SRGAP3: variants seen among roughly 807,000 people sequenced by gnomAD.
SRGAP3 encodes the protein SLIT-ROBO Rho GTPase-activating protein 3.
A neutral mutation model predicts 121.1 loss-of-function variants in SRGAP3; 39 were observed. The ratio of observed to expected loss-of-function variants is 0.32; its 90% CI spans 0.25 to 0.42. The LOEUF is 0.42. Among genes scored for constraint, SRGAP3 ranks in the 10% least tolerant of loss-of-function variants. The pLI is 1.00. For missense variants in SRGAP3, 1,213 were observed against 1,470.6 expected (o/e 0.82, Z 2.86); for synonymous variants, 601 against 570.0 (o/e 1.05, Z -0.77).
rs533058610 is a variant in SRGAP3, at chr3:9,005,217, C to T, written c.2227+5091G>A. ...TCATCAGAGAAATTCAAATCCAAAC[C>T]TCAATAAGATGCAACTTCACATCCA... On this transcript the variant is annotated intron_variant, in intron 18 of 21. Coordinates refer to ENST00000383836, the MANE Select transcript of SRGAP3 (RefSeq NM_014850.4). 2.6e-5 allele frequency among the ~76,000 whole-genome samples: 4 copies of T among 152,250 alleles called. No individual in the cohort carries two copies. The South Asian group carries it at 6.2e-4, about 24-fold the overall frequency.
At chr3:9,313,110 C>T (rs971980993) in intron 3 of SRGAP3, among the ~76,000 whole-genome samples, 3 of 152,214 alleles carry the variant, frequency 2.0e-5, no homozygotes, top group Non-Finnish European at 4.4e-5. Context: ...TTCCCAGCCA[C>T]ACTCCTCTCC....
intron 3 of SRGAP3, among the ~76,000 whole-genome samples, chr3:9,265,271 C>G (rs1954333960): frequency 6.6e-6 from 1 of 152,180 alleles, no homozygotes; most frequent in Admixed American, 6.5e-5. Flanking sequence ...CATAAAAACT[C>G]TACAAGAAAA....
At chr3:9,078,387 C>T (rs1947072388) in intron 4 of SRGAP3, among the ~76,000 whole-genome samples, 1 of 152,266 alleles carries the variant, frequency 6.6e-6, no homozygotes, top group South Asian at 2.1e-4. Flanking sequence ...TCTAGCCAAA[C>T]TCGCTGCAGA....
At chr3:9,085,655 C>G (rs1057503964) in intron 3 of SRGAP3, among the ~76,000 whole-genome samples, 2 of 152,156 alleles carry the variant, frequency 1.3e-5, no homozygotes, top group Non-Finnish European at 2.9e-5. Context: ...AAATCATGTC[C>G]TTTACAGATA....
chr3:9,179,567 G>A (rs1951302810), intron 1 of SRGAP3, among the ~76,000 whole-genome samples: 2 of 152,204 alleles, frequency 1.3e-5, no homozygotes, highest in Non-Finnish European at 2.9e-5. Flanking sequence ...GATAAAATAA[G>A]AGTAAGGTCA....
intron 4 of SRGAP3, among the ~76,000 whole-genome samples, chr3:9,074,948 C>A (rs1472012057): frequency 6.6e-6 from 1 of 152,198 alleles, no homozygotes; most frequent in Non-Finnish European, 1.5e-5. Flanking sequence ...GGAAGGCCAG[C>A]CCACAGTTTG....
chr3:9,136,407 C>A (rs1047294895), intron 1 of SRGAP3, among the ~76,000 whole-genome samples: 1 of 150,270 alleles, frequency 6.7e-6, no homozygotes, highest in Non-Finnish European at 1.5e-5. Flanking sequence ...CCCCCCCCCC[C>A]CGACCGCCCC....
intron 1 of SRGAP3, among the ~76,000 whole-genome samples, chr3:9,207,015 A>G (rs962919909): frequency 1.3e-5 from 2 of 152,200 alleles, no homozygotes. Flanking sequence ...CAATGGATCA[A>G]CTTCAGCTGA....
chr3:9,307,871 C>A (rs970218149), intron 3 of SRGAP3, among the ~76,000 whole-genome samples: 1 of 152,210 alleles, frequency 6.6e-6, no homozygotes, highest in Non-Finnish European at 1.5e-5. Flanking sequence ...AGTTAGGCCA[C>A]AGGCTGGGCG....
rs762361178 is a variant in SRGAP3 at position 8,990,635 on chromosome 3, G to A, written c.2763C>T (p.Gly921=). 53 of 1,613,382 alleles carry A rather than the reference G, an allele frequency of 3.3e-5. No homozygotes were observed. Among genetic ancestry groups the A allele is most frequent in the Non-Finnish European group, 4.5e-5 (53 of 1,179,894 alleles). Residue 921 remains glycine (G), a synonymous_variant, in exon 21 of 22, where the codon GGC becomes GGT. Transcript: ENST00000383836. The part of the protein sequence containing the change: ...KRRMATFGSA[G]SINYPDKKAL... ...CCTTCTTGTCAGGGTAGTTGATGCT[G>A]CCAGCGCTCCCGAACGTCGCCATCC...
rs376186592 is a variant in SRGAP3 at position 9,022,200 on chromosome 3, C to T, written c.1678+3061G>A. Among the ~76,000 whole-genome samples, 13 of 152,298 alleles carry T rather than the reference C, an allele frequency of 8.5e-5. No homozygotes were observed. In the South Asian group the frequency reaches 1.2e-3, roughly 15 times the overall value. ...AAAATTAGCCGGGCAAGGTGGCACACGCCTGTAGTCCCAGCTACTCAGGAG... is the reference window on the plus strand; with the variant it reads ...AAAATTAGCCGGGCAAGGTGGCACATGCCTGTAGTCCCAGCTACTCAGGAG... On this transcript the variant is annotated intron_variant, in intron 14 of 21. Coordinates refer to ENST00000383836, the MANE Select transcript of SRGAP3 (RefSeq NM_014850.4).
At chr3:9,317,487 T>C (rs1452385081) in intron 3 of SRGAP3, among the ~76,000 whole-genome samples, 1 of 152,242 alleles carries the variant, frequency 6.6e-6, no homozygotes, top group Non-Finnish European at 1.5e-5. Flanking sequence ...GGGATAGCTA[T>C]GCCAAAAGCT....
At chr3:8,994,129 G>A (rs929227625) in intron 19 of SRGAP3, 19 of 659,232 alleles carry the variant, frequency 2.9e-5, no homozygotes, top group South Asian at 5.3e-5. Flanking sequence ...ACCCAACACC[G>A]TTTCTGTGTG....
intron 3 of SRGAP3, among the ~76,000 whole-genome samples, chr3:9,087,153 A>G (rs1947539704): frequency 6.6e-6 from 1 of 152,146 alleles, no homozygotes; most frequent in South Asian, 2.1e-4. Context: ...GAATGAATCT[A>G]TGAACGAATG....
Position 9,056,332 on chromosome 3 carries a change from G to C in SRGAP3, c.1026C>G (p.Val342=). ...FEFQPHMGDE[V]CQVSAQQPVQ... ...CGGGCTGCTGAGCGCTGACCTGGCA[G>C]ACCTGCAGGAATAACAGCCACCATC... Residue 342 remains valine (V), a splice_region_variant and synonymous_variant, in exon 8 of 22, where the codon GTC becomes GTG. Coordinates refer to ENST00000383836, the MANE Select transcript of SRGAP3 (RefSeq NM_014850.4). The C allele has an allele frequency of 6.2e-7, 1 of 1,612,466 alleles. No individual in the cohort carries two copies. The highest frequency in any genetic ancestry group is 8.5e-7 in the Non-Finnish European group (1 of 1,179,864).
chr3:9,299,268 G>A (rs1356576290), intron 3 of SRGAP3, among the ~76,000 whole-genome samples: 1 of 150,466 alleles, frequency 6.6e-6, no homozygotes, highest in Non-Finnish European at 1.5e-5. Context: ...GTCTGAGGCA[G>A]GAGAATTGCT....
chr3:9,079,923 A>G, intron 4 of SRGAP3, 102 bp downstream of exon 4: 6 of 1,271,902 alleles, frequency 4.7e-6, no homozygotes, highest in Non-Finnish European at 6.7e-6. Flanking sequence ...GCAGCAAAAA[A>G]GGCCTGGGGT....
Position 8,985,357 on chromosome 3 carries a change from C to T in SRGAP3, c.*162G>A, listed in dbSNP as rs1028247613. The stretch of plus-strand genomic sequence containing the variant: ...TGGGATTCCCATGGCTGGACGTGAG[C>T]TGCAGCCAGCGCCCGGGCCTCAGCT... On this transcript the variant is annotated 3_prime_UTR_variant, in exon 22 of 22. Coordinates refer to ENST00000383836, the MANE Select transcript of SRGAP3 (RefSeq NM_014850.4). The surrounding 1 kb of genome is among the most constrained non-coding windows in gnomAD (Gnocchi z 5.1). 1 of 1,399,732 alleles carries T rather than the reference C, an allele frequency of 7.1e-7. No individual in the cohort carries two copies. The allele number at this position is 1,399,732 out of a possible 1,614,324, so 86.7% of individuals were successfully genotyped here. A position where few individuals can be genotyped will look rare whatever the true frequency, so the allele number is the denominator to read the frequency against.
In SRGAP3 at chr3:8,980,907, A is replaced by G. The variant is rs1574838060; in HGVS notation, c.*4612T>C. 4 of 233,528 alleles carry G rather than the reference A, an allele frequency of 1.7e-5. No homozygotes were observed. The East Asian group carries it at 2.4e-4, about 14-fold the overall frequency. 14.5% of individuals were successfully genotyped at this position (233,528 alleles called of 1,614,324 possible). A position where few individuals can be genotyped will look rare whatever the true frequency, so the allele number is the denominator to read the frequency against. ...ATTGCCAAACCATGTAAACAGTCAC[A>G]CTGCCGGGAACAAGGGCCTGGGCAG... On this transcript the variant is annotated 3_prime_UTR_variant, in exon 22 of 22. Coordinates refer to ENST00000383836, the MANE Select transcript of SRGAP3 (RefSeq NM_014850.4).
Sources: gnomAD v4.1 joint callset for allele counts (sites outside exome capture counted in the v4.1 genomes callset) on GRCh38, gnomAD v4.1.1 for gene constraint, Gnocchi (gnomAD v3.1) non-coding constraint, MANE v1.5 for transcripts, NCBI Gene and HGNC (gene_info 2026-07-23, HGNC 2026-07-21) for gene names.